Variants in PCDH9 observed in about 807,000 individuals in gnomAD.
The protein encoded by PCDH9 is protocadherin 9, also known as protocadherin-9.
PCDH9 carries 24 observed loss-of-function variants against 70.6 expected under a neutral mutation model. The observed-to-expected ratio is 0.34, with a 90% CI of 0.25 to 0.48. The LOEUF (loss-of-function observed/expected upper bound fraction) is 0.48, where lower values mean the gene tolerates loss of function less well. PCDH9 is among the 20% of genes least tolerant of loss of function. PCDH9 has a pLI of 0.99. For missense variants in PCDH9, 1,281 were observed against 1,503.6 expected, an observed-to-expected ratio of 0.85 and a Z score of 2.45; for synonymous variants, 562 against 558.5, an observed-to-expected ratio of 1.01 and a Z score of -0.09.
At chr13:66,590,157 T>A (rs1466903526) in intron 4 of PCDH9, among the ~76,000 whole-genome samples, 1 of 151,996 alleles carries the variant, frequency 6.6e-6, no homozygotes, top group Non-Finnish European at 1.5e-5. Flanking sequence ...CCCATAGATA[T>A]CATGTAAATT....
intron 4 of PCDH9, among the ~76,000 whole-genome samples, chr13:66,598,372 A>C (rs1593755073): frequency 1.3e-5 from 2 of 151,974 alleles, no homozygotes; most frequent in Admixed American, 1.3e-4. Flanking sequence ...GATACACAGA[A>C]ACAAAAGACA....
intron 2 of PCDH9, among the ~76,000 whole-genome samples, chr13:67,006,009 G>C (rs1478539670): frequency 6.6e-6 from 1 of 152,272 alleles, no homozygotes; most frequent in African/African-American, 2.4e-5. Context: ...GGCAGATCAC[G>C]AGGTCAGGAG....
intron 4 of PCDH9, among the ~76,000 whole-genome samples, chr13:66,305,307 G>A (rs1955446001): frequency 6.6e-6 from 1 of 151,816 alleles, no homozygotes. Flanking sequence ...ACAGATATGG[G>A]TAAACAGGTA....
chr13:66,803,554 A>T (rs926492553), intron 3 of PCDH9, among the ~76,000 whole-genome samples: 1 of 152,056 alleles, frequency 6.6e-6, no homozygotes, highest in African/African-American at 2.4e-5. Context: ...TGAAATCACA[A>T]AACCACTTGT....
At chr13:66,829,717 C>CAAAAAAAAAAAAAAAAAAAAAAAAAAAA (rs562176354) in intron 3 of PCDH9, among the ~76,000 whole-genome samples, 4 of 53,128 alleles carry the variant, frequency 7.5e-5, no homozygotes, top group African/African-American at 1.4e-4. Flanking sequence ...GACTCCGTCT[C>CAAAAAAAAAAAAAAAAAAAAAAAAAAAA]AAAAAAAAAA....
intron 2 of PCDH9, among the ~76,000 whole-genome samples, chr13:67,181,138 A>C (rs150480330): frequency 6.6e-6 from 1 of 152,140 alleles, no homozygotes; most frequent in East Asian, 1.9e-4. Flanking sequence ...GCATTAACAT[A>C]ATGCTGGTTT....
At chr13:66,552,359 C>T (rs902870902) in intron 4 of PCDH9, among the ~76,000 whole-genome samples, 2 of 152,006 alleles carry the variant, frequency 1.3e-5, no homozygotes, top group African/African-American at 2.4e-5. Flanking sequence ...CTCCTAGGCG[C>T]GATATTTGCA....
intron 4 of PCDH9, among the ~76,000 whole-genome samples, chr13:66,476,717 G>A (rs866517426): frequency 1.3e-5 from 2 of 151,856 alleles, no homozygotes; most frequent in South Asian, 4.1e-4. Flanking sequence ...ACCTAAGAAG[G>A]CAAATATCTT....
chr13:67,216,915 T>C (rs1467807639), intron 2 of PCDH9: 1 of 151,718 alleles, frequency 6.6e-6, no homozygotes, highest in Non-Finnish European at 1.5e-5. Flanking sequence ...AGACATCCAA[T>C]GTGAAAATCG....
intron 4 of PCDH9, among the ~76,000 whole-genome samples, chr13:66,369,953 G>A (rs1351579484): frequency 6.6e-6 from 1 of 151,910 alleles, no homozygotes; most frequent in Non-Finnish European, 1.5e-5. Flanking sequence ...ACATATATTG[G>A]GTCAGAATTT....
intron 3 of PCDH9, among the ~76,000 whole-genome samples, chr13:66,744,415 T>C (rs2139209599): frequency 6.6e-6 from 1 of 152,276 alleles, no homozygotes; most frequent in South Asian, 2.1e-4. Context: ...TCAGTGAATT[T>C]TTTAAAAATT....
At chr13:66,680,973 G>A (rs924374477) in intron 3 of PCDH9, among the ~76,000 whole-genome samples, 3 of 151,948 alleles carry the variant, frequency 2.0e-5, no homozygotes, top group Middle Eastern at 3.4e-3. Context: ...AAATCATATA[G>A]GTCCTGGGAA....
chr13:67,082,283 G>A (rs1182272361), intron 2 of PCDH9, among the ~76,000 whole-genome samples: 1 of 152,082 alleles, frequency 6.6e-6, no homozygotes, highest in Admixed American at 6.6e-5. Context: ...ACCAACATTT[G>A]ACCCTCTGCT....
At position 66,894,939 on chromosome 13, in the gene PCDH9, C is replaced by G. The variant is rs193158747; in HGVS notation, c.3138+8565G>C. On this transcript the variant is annotated intron_variant, in intron 3 of 4. Transcript: ENST00000377865. ...TCTAGTGCCTCAGCCTCCCAAGTAG[C>G]TGGGATTACAGGCATGTACCACCAT... Among the ~76,000 whole-genome samples, 11 of 152,046 alleles carry G rather than the reference C, an allele frequency of 7.2e-5. No homozygotes were observed. In the East Asian group the frequency reaches 2.1e-3, roughly 29 times the overall value.
At chr13:67,119,470 C>G (rs1004780920) in intron 2 of PCDH9, among the ~76,000 whole-genome samples, 1 of 151,940 alleles carries the variant, frequency 6.6e-6, no homozygotes, top group South Asian at 2.1e-4. Context: ...CAAACATATT[C>G]TTAGACATTG....
chr13:66,734,302 G>A (rs2079115575), intron 3 of PCDH9, among the ~76,000 whole-genome samples: 1 of 152,130 alleles, frequency 6.6e-6, no homozygotes, highest in African/African-American at 2.4e-5. Flanking sequence ...GTTGACAGGA[G>A]GGTAATACAT....
intron 3 of PCDH9, among the ~76,000 whole-genome samples, chr13:66,773,992 G>C (rs1390336334): frequency 1.3e-5 from 2 of 151,846 alleles, no homozygotes; most frequent in Non-Finnish European, 2.9e-5. Flanking sequence ...TGGCCAGGCT[G>C]GTCTTGAACT....
intron 2 of PCDH9, among the ~76,000 whole-genome samples, chr13:66,987,461 CA>C (rs1462516428): frequency 2.6e-5 from 4 of 151,984 alleles, no homozygotes; most frequent in Non-Finnish European, 5.9e-5. Flanking sequence ...ACCTCATCTG[CA>C]TTCCAGTTTG....
intron 4 of PCDH9, among the ~76,000 whole-genome samples, chr13:66,626,540 T>C (rs1188787681): frequency 6.6e-6 from 1 of 152,026 alleles, no homozygotes; most frequent in Non-Finnish European, 1.5e-5. Context: ...TGACCCAGGG[T>C]TGAGAATATT....
Sources: gnomAD v4.1 joint callset for allele counts (sites outside exome capture counted in the v4.1 genomes callset) on GRCh38, gnomAD v4.1.1 for gene constraint, MANE v1.5 for transcripts, NCBI Gene and HGNC (gene_info 2026-07-23, HGNC 2026-07-21) for gene names.